The following TDRD3 variants were observed in gnomAD, a reference collection of about 807,000 sequenced individuals.
TDRD3 encodes the protein tudor domain-containing protein 3.
A neutral mutation model predicts 86.7 loss-of-function variants in TDRD3; 45 were observed. The observed-to-expected ratio is 0.52, with a 90% confidence interval of 0.41 to 0.67. TDRD3 has a LOEUF of 0.67. Ranked by LOEUF, TDRD3 falls within the 30% of genes least tolerant of loss-of-function variation. TDRD3 has a pLI of 0.00. For synonymous variants in TDRD3, 298 were observed against 301.7 expected, an observed-to-expected ratio of 0.99 and a Z score of 0.13; for missense variants, 814 against 889.0, an observed-to-expected ratio of 0.92 and a Z score of 1.07.
At chr13:60,566,445 A>G (rs913448538) in intron 12 of TDRD3, among the ~76,000 whole-genome samples, 1 of 152,120 alleles carries the variant, frequency 6.6e-6, no homozygotes, top group African/African-American at 2.4e-5. Flanking sequence ...CAGTCTTCTT[A>G]TTTACTTTTC....
chr13:60,418,108 T>G (rs974672091), intron 1 of TDRD3, among the ~76,000 whole-genome samples: 8 of 152,196 alleles, frequency 5.3e-5, no homozygotes, highest in African/African-American at 1.2e-4. Context: ...TACAAAGGTA[T>G]GCATAGCCTC....
chr13:60,496,991 GAA>G (rs919688648), intron 8 of TDRD3, among the ~76,000 whole-genome samples: 29 of 152,262 alleles, frequency 1.9e-4, no homozygotes, highest in African/African-American at 6.7e-4. Flanking sequence ...GAAAACCGTG[GAA>G]CCCAGCAACT....
chr13:60,460,450 C>T lies in TDRD3; in HGVS notation c.263C>T (p.Ser88Phe). ...GCTGCACCAAAGGATAATGAAGAAT[C>T]TCAGGCTGCACCAAGGATGCTGCGA... ...NVAAPKDNEE[S>F]QAAPRMLRLQ... Residue 88 changes from serine to phenylalanine, a missense_variant, in exon 4 of 14, where the codon TCT (serine) becomes TTT (phenylalanine). Physicochemically the swap from Ser to Phe is radical, Grantham distance 155 (BLOSUM62 -2). Coordinates refer to ENST00000377881, the MANE Select transcript of TDRD3 (RefSeq NM_001146070.2). 2 of 1,603,560 alleles carry T rather than the reference C, an allele frequency of 1.2e-6. No homozygotes were observed. The highest frequency in any genetic ancestry group is 1.7e-6 in the Non-Finnish European group (2 of 1,177,182).
chr13:60,489,149 A>C (rs952257592), intron 7 of TDRD3, among the ~76,000 whole-genome samples: 6 of 152,144 alleles, frequency 3.9e-5, no homozygotes, highest in Non-Finnish European at 7.3e-5. Flanking sequence ...CCTGAACAAC[A>C]AACCCCTCTC....
intron 5 of TDRD3, among the ~76,000 whole-genome samples, chr13:60,479,223 AT>A (rs1956261385): frequency 6.6e-6 from 1 of 152,082 alleles, no homozygotes; most frequent in Non-Finnish European, 1.5e-5. Context: ...ATTTCAGATA[AT>A]TTTTTGATTT....
In TDRD3 at chr13:60,542,149, C is replaced by T. The variant is rs372169299; in HGVS notation, c.2118+6916C>T. Reference sequence around the variant, plus strand: ...TGGTTCAGTAGTCCTAAAACTTGTTCTCCTGGAAGTGCAAATTTTATCTTT... The same window carrying T: ...TGGTTCAGTAGTCCTAAAACTTGTTTTCCTGGAAGTGCAAATTTTATCTTT... On this transcript the variant is annotated intron_variant, in intron 12 of 13. Transcript: ENST00000377881. Among the ~76,000 whole-genome samples, 5 of 152,092 alleles carry T rather than the reference C, an allele frequency of 3.3e-5. No homozygotes were observed. In the East Asian group the frequency reaches 7.7e-4, roughly 23 times the overall value.
intron 8 of TDRD3, among the ~76,000 whole-genome samples, chr13:60,496,763 T>C (rs1170428622): frequency 6.6e-6 from 1 of 152,146 alleles, no homozygotes; most frequent in Non-Finnish European, 1.5e-5. Flanking sequence ...CAGAAGCAGA[T>C]ACTGAGCCTC....
chr13:60,484,366 G>A (rs1037148656), intron 6 of TDRD3, among the ~76,000 whole-genome samples: 4 of 152,086 alleles, frequency 2.6e-5, no homozygotes, highest in Non-Finnish European at 4.4e-5. Flanking sequence ...AATAATTCTT[G>A]TGGCAGCTTG....
Position 60,444,698 on chromosome 13 carries a change from A to C in TDRD3, c.142A>C (p.Ile48Leu). 6.8e-7 allele frequency: 1 copy of C among 1,477,450 alleles called. No individual in the cohort carries two copies. Among genetic ancestry groups the C allele is most frequent in the Non-Finnish European group, 9.1e-7 (1 of 1,101,814 alleles). 91.5% of individuals were successfully genotyped at this position (1,477,450 alleles called of 1,614,324 possible). A position where few individuals can be genotyped will look rare whatever the true frequency, so the allele number is the denominator to read the frequency against. ...TTTATTTTAGACAGATCTGAGAACAATTGGCAAGAAATTCCTCCCCAGTGA... is the reference window on the plus strand; with the variant it reads ...TTTATTTTAGACAGATCTGAGAACACTTGGCAAGAAATTCCTCCCCAGTGA... ...LIALNTDLRT[I>L]GKKFLPSDIN... The change falls in exon 3 of 14, where the codon ATT becomes CTT. Residue 48 changes from isoleucine (I) to leucine (L), a missense_variant. Transcript: ENST00000377881.
chr13:60,496,500 C>T (rs1956723246), intron 8 of TDRD3, among the ~76,000 whole-genome samples: 1 of 151,546 alleles, frequency 6.6e-6, no homozygotes, highest in Middle Eastern at 3.4e-3. Context: ...CTGCTATGGA[C>T]TCTACTTCTA....
intron 10 of TDRD3, among the ~76,000 whole-genome samples, chr13:60,526,743 A>G (rs1478314910): frequency 1.3e-5 from 2 of 151,432 alleles, no homozygotes. Flanking sequence ...TTTTTTCCTT[A>G]GAAAATTTTC....
At chr13:60,416,827 GTCTCCCCTAACACTGT>G (rs1339920080) in intron 1 of TDRD3, among the ~76,000 whole-genome samples, 9 of 152,016 alleles carry the variant, frequency 5.9e-5, no homozygotes, top group African/African-American at 2.2e-4. Context: ...ACTATTCCTT[GTCTCCCCTAACACTGT>G]TCTCCTCATC....
chr13:60,432,715 G>T (rs1466253611), intron 1 of TDRD3, among the ~76,000 whole-genome samples: 1 of 152,076 alleles, frequency 6.6e-6, no homozygotes, highest in Non-Finnish European at 1.5e-5. Context: ...TTCCATATTT[G>T]CTAAGATCAA....
At chr13:60,468,086 G>T (rs934645170) in intron 5 of TDRD3, among the ~76,000 whole-genome samples, 1 of 151,912 alleles carries the variant, frequency 6.6e-6, no homozygotes, top group African/African-American at 2.4e-5. Context: ...CTTTCACCAG[G>T]TTTTCTTCCT....
chr13:60,496,949 T>C (rs1956731219), intron 8 of TDRD3, among the ~76,000 whole-genome samples: 1 of 152,174 alleles, frequency 6.6e-6, no homozygotes, highest in Admixed American at 6.5e-5. Flanking sequence ...CATGCAGTGT[T>C]ATAGCTCTGT....
At chr13:60,495,666 T>C (rs1956697003) in intron 8 of TDRD3, among the ~76,000 whole-genome samples, 1 of 152,126 alleles carries the variant, frequency 6.6e-6, no homozygotes, top group Admixed American at 6.5e-5. Context: ...GGTTTCACTA[T>C]ATTAGTGAAA....
chr13:60,398,842 T>G (rs1954015492), intron 1 of TDRD3, among the ~76,000 whole-genome samples: 1 of 151,598 alleles, frequency 6.6e-6, no homozygotes, highest in African/African-American at 2.4e-5. Context: ...TTGTTTCTGT[T>G]CAATAGGAAT....
chr13:60,427,798 A>G (rs1038056679), intron 1 of TDRD3, among the ~76,000 whole-genome samples: 1 of 152,224 alleles, frequency 6.6e-6, no homozygotes, highest in Non-Finnish European at 1.5e-5. Flanking sequence ...TTCTAAGCTA[A>G]GGGATGGATG....
At chr13:60,501,189 C>T (rs189144644) in intron 8 of TDRD3, among the ~76,000 whole-genome samples, 29 of 152,328 alleles carry the variant, frequency 1.9e-4, no homozygotes, top group Admixed American at 9.8e-4. Flanking sequence ...TCATTCCCCC[C>T]GCTGGAGTGG....
Sources: allele counts gnomAD v4.1 joint callset (sites outside exome capture counted in the v4.1 genomes callset), GRCh38; gene constraint gnomAD v4.1.1; transcripts MANE v1.5; gene names NCBI Gene and HGNC (gene_info 2026-07-23, HGNC 2026-07-21).